The following NAALAD2 variants were observed in gnomAD, a reference collection of about 807,000 sequenced individuals.
NAALAD2 encodes the protein N-acetylated alpha-linked acidic dipeptidase 2.
A neutral mutation model predicts 95.6 loss-of-function variants in NAALAD2; 89 were observed. The observed-to-expected ratio is 0.93, with a 90% confidence interval of 0.78 to 1.11. The LOEUF is 1.11. NAALAD2 is among the 50% of genes least tolerant of loss of function. NAALAD2 has a pLI of 0.00. For missense variants in NAALAD2, 894 were observed against 872.4 expected, an observed-to-expected ratio of 1.02 and a Z score of -0.31; for synonymous variants, 264 against 294.4, an observed-to-expected ratio of 0.90 and a Z score of 1.06.
At position 90,149,038 on chromosome 11, in the gene NAALAD2, A is replaced by G. The variant is rs1002370718; in HGVS notation, c.414A>G (p.Pro138=). The G allele has an allele frequency of 1.2e-6, 2 of 1,607,142 alleles. No individual in the cohort carries two copies. Among genetic ancestry groups the G allele is most frequent in the Non-Finnish European group, 1.7e-6 (2 of 1,176,966 alleles). ...IFKTSYLEPP[P]DGYENVTNIV... is the part of the protein sequence containing the mutation. ...AAACATCATACCTTGAACCACCACC[A>G]GATGGCTATGAGAATGTTACAAATA... Residue 138 remains proline (P), a synonymous_variant, in exon 4 of 19, where the codon CCA becomes CCG. Coordinates refer to ENST00000534061, the MANE Select transcript of NAALAD2 (RefSeq NM_005467.4).
intron 14 of NAALAD2, 141 bp from the exon 15 acceptor site, chr11:90,175,831 T>C: frequency 2.3e-6 from 1 of 435,398 alleles, no homozygotes; most frequent in East Asian, 3.4e-5. Context: ...GTGGTTGACC[T>C]TTTTTAAATT....
At chr11:90,179,412 T>C (rs1467578248) in intron 16 of NAALAD2, among the ~76,000 whole-genome samples, 1 of 151,966 alleles carries the variant, frequency 6.6e-6, no homozygotes, top group East Asian at 1.9e-4. Context: ...ATGTAGAGAG[T>C]ACTATAAAAA....
At chr11:90,163,640 T>G in intron 11 of NAALAD2, 23 bp downstream of exon 11, 1 of 1,609,706 alleles carries the variant, frequency 6.2e-7, no homozygotes, top group Non-Finnish European at 8.5e-7. Flanking sequence ...AAGAAGGTTC[T>G]TATTATTTTT....
upstream of NAALAD2, among the ~76,000 whole-genome samples, chr11:90,133,672 C>G (rs1951388530): frequency 6.6e-6 from 1 of 152,142 alleles, no homozygotes; most frequent in Non-Finnish European, 1.5e-5. Flanking sequence ...TAGGGAAATT[C>G]AATGGGCTTG....
At chr11:90,155,345 T>A (rs1952040093) in intron 6 of NAALAD2, among the ~76,000 whole-genome samples, 3 of 114,984 alleles carry the variant, frequency 2.6e-5, no homozygotes, top group South Asian at 4.9e-4. Flanking sequence ...ATTATATATA[T>A]TATATATTAC....
intron 17 of NAALAD2, among the ~76,000 whole-genome samples, chr11:90,182,706 C>T (rs1181363435): frequency 6.6e-6 from 1 of 152,000 alleles, no homozygotes; most frequent in African/African-American, 2.4e-5. Flanking sequence ...AACGATTTTC[C>T]AATAGGTCTC....
intron 16 of NAALAD2, 45 bp downstream of exon 16, chr11:90,178,162 C>T (rs757881257): frequency 1.9e-6 from 3 of 1,540,898 alleles, no homozygotes; most frequent in Non-Finnish European, 2.6e-6. Flanking sequence ...TAAGTTAGAG[C>T]TTTAAGATAT....
Position 90,176,076 on chromosome 11 carries a change from T to C in NAALAD2, c.1593+14T>C. On this transcript the variant is annotated intron_variant, in intron 15 of 18. Coordinates refer to ENST00000534061, the MANE Select transcript of NAALAD2 (RefSeq NM_005467.4). ...ACTAAGAATAAGGTAAGCCATTTTATCATTTTGAATATATAACATTTCATC... is the reference window on the plus strand; with the variant it reads ...ACTAAGAATAAGGTAAGCCATTTTACCATTTTGAATATATAACATTTCATC... The C allele has an allele frequency of 6.3e-7, 1 of 1,585,768 alleles. No homozygotes were observed. Among genetic ancestry groups the C allele is most frequent in the South Asian group, 1.1e-5 (1 of 90,446 alleles).
intron 2 of NAALAD2, among the ~76,000 whole-genome samples, chr11:90,144,410 C>T (rs540426530): frequency 3.9e-5 from 6 of 151,926 alleles, no homozygotes; most frequent in Non-Finnish European, 5.9e-5. Flanking sequence ...ATAAAACAGC[C>T]GGCATGTGAG....
In NAALAD2 at chr11:90,152,870, C is replaced by CCGACAGATTGT. The variant is rs11270311; in HGVS notation, c.796+386_796+387insCGACAGATTGT. On this transcript the variant is annotated intron_variant, in intron 6 of 18. Coordinates refer to ENST00000534061, the MANE Select transcript of NAALAD2 (RefSeq NM_005467.4). ...ATCGATAGATTGTATTTTTGAATTA[C>CCGACAGATTGT]ATTTTTTAAAAAAATGAGTTTTTGT... Among the ~76,000 whole-genome samples, 12 of 151,754 alleles carry CCGACAGATTGT rather than the reference C, an allele frequency of 7.9e-5. No homozygotes were observed. In the South Asian group the frequency reaches 1.5e-3, roughly 18 times the overall value.
chr11:90,189,107 T>G (rs2135001272), intron 18 of NAALAD2, among the ~76,000 whole-genome samples: 1 of 151,904 alleles, frequency 6.6e-6, no homozygotes, highest in South Asian at 2.1e-4. Flanking sequence ...GGAGAGAAAG[T>G]TAGGGTGATG....
At chr11:90,138,725 C>CTTTTTTTTTTTT (rs562496549) in intron 2 of NAALAD2, among the ~76,000 whole-genome samples, 1 of 61,528 alleles carries the variant, frequency 1.6e-5, no homozygotes, top group Non-Finnish European at 3.2e-5. Context: ...CATCCCTCAA[C>CTTTTTTTTTTTT]TTTTTTTTTT....
At chr11:90,137,505 A>G (rs1951480856) in intron 2 of NAALAD2, among the ~76,000 whole-genome samples, 1 of 152,196 alleles carries the variant, frequency 6.6e-6, no homozygotes, top group South Asian at 2.1e-4. Context: ...AGGTAGCCAT[A>G]AAATTTAAAA....
intron 11 of NAALAD2, among the ~76,000 whole-genome samples, chr11:90,166,219 C>T (rs949310808): frequency 3.3e-5 from 5 of 151,944 alleles, no homozygotes; most frequent in Non-Finnish European, 7.4e-5. Flanking sequence ...CTAGAGAGAG[C>T]GGTGAAGGGC....
chr11:90,176,435 G>A (rs1009525270), intron 15 of NAALAD2, among the ~76,000 whole-genome samples: 1 of 152,104 alleles, frequency 6.6e-6, no homozygotes, highest in Non-Finnish European at 1.5e-5. Context: ...AACATATTTT[G>A]GTCAAGAGGA....
chr11:90,152,618 G>A lies in NAALAD2; in HGVS notation c.796+134G>A, dbSNP rs569619135. 6.7e-6 allele frequency: 4 copies of A among 595,614 alleles called. No homozygotes were observed. In the African/African-American group the frequency reaches 7.5e-5, roughly 11 times the overall value. The allele number at this position is 595,614 out of a possible 1,614,324, so 36.9% of individuals were successfully genotyped here. ...ACTTATATCATTTTGGATTACTGCT[G>A]CTAGGAATTTTAAAACATTTGCTCT... On this transcript the variant is annotated intron_variant, in intron 6 of 18. Coordinates refer to ENST00000534061, the MANE Select transcript of NAALAD2 (RefSeq NM_005467.4).
intron 2 of NAALAD2, among the ~76,000 whole-genome samples, chr11:90,145,577 T>C (rs1305655724): frequency 2.6e-5 from 4 of 152,156 alleles, no homozygotes; most frequent in African/African-American, 9.7e-5. Context: ...AAAATAAATA[T>C]GGTAAGAAAT....
rs71477596 is a variant in NAALAD2, at chr11:90,146,343, ATTTTTTTTTTTTTTTTTT to A, written c.195-971_195-954del. On this transcript the variant is annotated intron_variant, in intron 2 of 18. Transcript: ENST00000534061. ...GTTCTACTGATGGTGGGGGAGTTTA[ATTTTTTTTTTTTTTTTTT>A]TTTTTTTTTTTTTTTGTGATGTAGT... Among the ~76,000 whole-genome samples the A allele has an allele frequency of 2.7e-4, 13 of 47,962 alleles. No homozygotes were observed. In the East Asian group the frequency reaches 8.1e-3, roughly 30 times the overall value. The allele number at this position is 47,962 out of a possible 152,430, so 31.5% of individuals were successfully genotyped here.
chr11:90,171,057 G>A (rs1368862882), intron 13 of NAALAD2, among the ~76,000 whole-genome samples: 1 of 152,124 alleles, frequency 6.6e-6, no homozygotes, highest in Admixed American at 6.6e-5. Flanking sequence ...AATTCTGCAG[G>A]CTTGCTAATC....
Sources: gnomAD v4.1 joint callset for allele counts (sites outside exome capture counted in the v4.1 genomes callset) on GRCh38, gnomAD v4.1.1 for gene constraint, MANE v1.5 for transcripts, NCBI Gene and HGNC (gene_info 2026-07-23, HGNC 2026-07-21) for gene names.